The following CUX2 variants were observed in gnomAD, a reference collection of about 807,000 sequenced individuals.
CUX2 encodes cut like homeobox 2.
A neutral mutation model predicts 144.8 loss-of-function variants in CUX2; 40 were observed. The ratio of observed to expected loss-of-function variants is 0.28; its 90% CI spans 0.21 to 0.36. CUX2 has a LOEUF of 0.36. CUX2 is among the 10% of genes least tolerant of loss of function. The pLI is 1.00. For missense variants in CUX2, 1,615 were observed against 1,994.0 expected (o/e 0.81, Z 3.62); for synonymous variants, 827 against 875.6 (o/e 0.94, Z 0.98).
Position 111,310,739 on chromosome 12 carries a change from G to A in CUX2, c.1900+57G>A. The A allele has an allele frequency of 6.6e-7, 1 of 1,524,854 alleles. No homozygotes were observed. The highest frequency in any genetic ancestry group is 8.8e-7 in the Non-Finnish European group (1 of 1,134,934). The allele number at this position is 1,524,854 out of a possible 1,614,324, so 94.5% of individuals were successfully genotyped here. ...CCACCACGCCAGGTCCAGGGCATCA[G>A]GGCTGGGGGCTGAGGACACGCGCTC... On this transcript the variant is annotated intron_variant, in intron 15 of 21. Transcript: ENST00000261726. This position sits in a 1 kb window ranked among gnomAD's most constrained non-coding sequence, Gnocchi z 7.9.
chr12:111,298,748 C>G (rs920843645), intron 9 of CUX2, among the ~76,000 whole-genome samples, 159 bp downstream of exon 9: 1 of 152,088 alleles, frequency 6.6e-6, no homozygotes. Flanking sequence ...GAGTCTGGGC[C>G]CCAGGCCCTG....
chr12:111,088,031 G>GA (rs1298638522), intron 1 of CUX2, among the ~76,000 whole-genome samples: 2 of 152,120 alleles, frequency 1.3e-5, no homozygotes, highest in Non-Finnish European at 2.9e-5. Context: ...CGTGCTGAGG[G>GA]AAAAAAGACT....
At chr12:111,106,111 C>T (rs956565825) in intron 1 of CUX2, among the ~76,000 whole-genome samples, 1 of 151,578 alleles carries the variant, frequency 6.6e-6, no homozygotes, top group Admixed American at 6.6e-5. Flanking sequence ...GCGATCCCCC[C>T]ACCTCAGCCT....
rs1214408460 is a variant in CUX2 at position 111,037,718 on chromosome 12, C to T, written c.63+3478C>T. 2.0e-5 allele frequency among the ~76,000 whole-genome samples: 3 copies of T among 152,044 alleles called. No individual in the cohort carries two copies. Among genetic ancestry groups the T allele is most frequent in the Non-Finnish European group, 2.9e-5 (2 of 68,000 alleles). On this transcript the variant is annotated intron_variant, in intron 1 of 21. Coordinates refer to ENST00000261726, the MANE Select transcript of CUX2 (RefSeq NM_015267.4). This position sits in a 1 kb window ranked among gnomAD's most constrained non-coding sequence, Gnocchi z 5.4. ...AATGCAGTATTTTTTTATGGCTTTT[C>T]TGTGTATAATCGTCGTAACCGGATT...
At chr12:111,112,182 C>T (rs972573242) in intron 1 of CUX2, among the ~76,000 whole-genome samples, 5 of 152,012 alleles carry the variant, frequency 3.3e-5, no homozygotes, top group Non-Finnish European at 4.4e-5. Context: ...CCCATGTCAA[C>T]GGGGAGGTGA....
rs376937227 is a variant in CUX2 at position 111,307,185 on chromosome 12, C to T, written c.1051-14C>T. On this transcript the variant is annotated splice_polypyrimidine_tract_variant and intron_variant, in intron 11 of 21. Transcript: ENST00000261726. The surrounding 1 kb of genome is among the most constrained non-coding windows in gnomAD (Gnocchi z 4.1). ...CACACAGACCAGCCTCACCATCTTT[C>T]TTTGCTCTTCTAGAAGCTGGAAGAG... The T allele has an allele frequency of 6.2e-7, 1 of 1,614,144 alleles. No individual in the cohort carries two copies. The highest frequency in any genetic ancestry group is 2.2e-5 in the East Asian group (1 of 44,872).
chr12:111,308,702 C>T (rs1372910794), intron 14 of CUX2, among the ~76,000 whole-genome samples, 176 bp downstream of exon 14: 1 of 152,198 alleles, frequency 6.6e-6, no homozygotes, highest in Non-Finnish European at 1.5e-5. Flanking sequence ...TCCACAAACA[C>T]CCACGTCATC....
chr12:111,182,406 C>G (rs1377432854), intron 1 of CUX2, among the ~76,000 whole-genome samples: 1 of 152,238 alleles, frequency 6.6e-6, no homozygotes, highest in African/African-American at 2.4e-5. Context: ...GGCCAGCATC[C>G]TGGCGTTGGG....
At chr12:111,091,398 A>T (rs1872542569) in intron 1 of CUX2, among the ~76,000 whole-genome samples, 1 of 152,142 alleles carries the variant, frequency 6.6e-6, no homozygotes. Context: ...GGCGGAGGTC[A>T]AGTGCAACCG....
rs546800721 is a variant in CUX2 at position 111,347,534 on chromosome 12, C to T, written c.3670C>T (p.Arg1224Cys). ...CCGTCTCTGCCCCAGGTCCCGGATG[C>T]GCCGGGAGATGTTGGTGGAGGGGAC... is the stretch of plus-strand genomic sequence containing the variant. ...NWFHNYRSRM[R>C]REMLVEGTQD... Residue 1224 changes from arginine (R) to cysteine (C), a missense_variant, in exon 22 of 22, where the codon CGC (arginine) becomes TGC (cysteine). This residue lies in a region of CUX2 where 131 missense variants were observed against 223.1 expected (regional missense o/e 0.59). Transcript: ENST00000261726. 18 of 1,595,954 alleles carry T rather than the reference C, an allele frequency of 1.1e-5. No individual in the cohort carries two copies. The highest frequency in any genetic ancestry group is 2.2e-5 in the East Asian group (1 of 44,788).
intron 4 of CUX2, among the ~76,000 whole-genome samples, chr12:111,290,541 CCT>C (rs1231988584): frequency 1.8e-3 from 275 of 152,038 alleles, no homozygotes; most frequent in Middle Eastern, 0.017. Context: ...GATTCTCCTG[CCT>C]CAGCCTCCCA....
At chr12:111,281,311 G>A (rs1885104656) in intron 4 of CUX2, among the ~76,000 whole-genome samples, 1 of 151,964 alleles carries the variant, frequency 6.6e-6, no homozygotes, top group Admixed American at 6.6e-5. Flanking sequence ...CCAGCCTTTT[G>A]CACAAGCGGT....
intron 10 of CUX2, among the ~76,000 whole-genome samples, chr12:111,305,733 G>A (rs1886546618): frequency 6.6e-6 from 1 of 152,166 alleles, no homozygotes; most frequent in South Asian, 2.1e-4. Context: ...TGCTCACTAA[G>A]TACTTGATGC....
At chr12:111,345,558 A>G (rs1166950748) in intron 21 of CUX2, among the ~76,000 whole-genome samples, 1 of 151,516 alleles carries the variant, frequency 6.6e-6, no homozygotes, top group African/African-American at 2.4e-5. Context: ...CCTGGCTAAC[A>G]TGGTAAAATG....
In CUX2 at chr12:111,167,067, G is replaced by A. The variant is rs998622751; in HGVS notation, c.64-47133G>A. On this transcript the variant is annotated intron_variant, in intron 1 of 21. Coordinates refer to ENST00000261726, the MANE Select transcript of CUX2 (RefSeq NM_015267.4). ...ACAGGCTGGCAGGGAGAGCGAGAGC[G>A]CCAGCACTGTCACAAGAAGCTCACA... 1.6e-4 allele frequency among the ~76,000 whole-genome samples: 25 copies of A among 152,254 alleles called. No homozygotes were observed. The East Asian group carries it at 1.9e-3, about 12-fold the overall frequency.
chr12:111,143,561 A>G (rs1876470612), intron 1 of CUX2, among the ~76,000 whole-genome samples: 1 of 152,258 alleles, frequency 6.6e-6, no homozygotes, highest in Admixed American at 6.5e-5. Flanking sequence ...GTTCTGGCAA[A>G]TGTAATACCC....
Position 111,322,363 on chromosome 12 carries a change from G to A in CUX2, c.2767-58G>A, listed in dbSNP as rs1204223068. The A allele has an allele frequency of 2.1e-6, 3 of 1,421,482 alleles. No individual in the cohort carries two copies. Among genetic ancestry groups the A allele is most frequent in the Non-Finnish European group, 1.9e-6 (2 of 1,072,252 alleles). The allele number at this position is 1,421,482 out of a possible 1,614,324, so 88.1% of individuals were successfully genotyped here. A position where few individuals can be genotyped will look rare whatever the true frequency, so the allele number is the denominator to read the frequency against. On this transcript the variant is annotated intron_variant, in intron 17 of 21. Coordinates refer to ENST00000261726, the MANE Select transcript of CUX2 (RefSeq NM_015267.4). The surrounding 1 kb of genome is among the most constrained non-coding windows in gnomAD (Gnocchi z 4.2). ...AAAAAAAGGTTGGGGAGGAGAGTGA[G>A]GGCCAGGCCCATGTCCCAGGGGCCT... is the stretch of plus-strand genomic sequence containing the variant.
At position 111,182,711 on chromosome 12, in the gene CUX2, C is replaced by T. The variant is rs555618874; in HGVS notation, c.64-31489C>T. Among the ~76,000 whole-genome samples the T allele has an allele frequency of 2.0e-5, 3 of 152,232 alleles. No homozygotes were observed. The East Asian group carries it at 5.8e-4, about 29-fold the overall frequency. ...AGCTTTGACTTTGGGGTCAGACGAGCGGGTCCTGCAGAAATTGGCTGAGCT... is the reference window on the plus strand; with the variant it reads ...AGCTTTGACTTTGGGGTCAGACGAGTGGGTCCTGCAGAAATTGGCTGAGCT... On this transcript the variant is annotated intron_variant, in intron 1 of 21. Transcript: ENST00000261726.
At chr12:111,138,348 G>T (rs1165999628) in intron 1 of CUX2, among the ~76,000 whole-genome samples, 1 of 152,086 alleles carries the variant, frequency 6.6e-6, no homozygotes, top group Non-Finnish European at 1.5e-5. Context: ...CCAGCAGGGG[G>T]AGGTGCAGTC....
Sources: allele counts gnomAD v4.1 joint callset (sites outside exome capture counted in the v4.1 genomes callset), GRCh38; gene constraint gnomAD v4.1.1; regional missense constraint gnomAD v4.1.1; non-coding constraint Gnocchi (gnomAD v3.1); transcripts MANE v1.5; gene names NCBI Gene and HGNC (gene_info 2026-07-23, HGNC 2026-07-21).